Variants in ANKFY1 observed in about 807,000 individuals in gnomAD.
ANKFY1 encodes the protein ankyrin repeat and FYVE domain-containing protein 1.
A neutral mutation model predicts 128.3 loss-of-function variants in ANKFY1; 47 were observed. The observed-to-expected ratio is 0.37, with a 90% CI of 0.29 to 0.47. The LOEUF is 0.47. Ranked by LOEUF, ANKFY1 falls within the 20% of genes least tolerant of loss-of-function variation. The pLI, the probability that ANKFY1 is intolerant of heterozygous loss-of-function variation, is 1.00. For missense variants in ANKFY1, 1,222 were observed against 1,510.6 expected, an observed-to-expected ratio of 0.81 and a Z score of 3.17; for synonymous variants, 553 against 601.6, an observed-to-expected ratio of 0.92 and a Z score of 1.18.
intron 2 of ANKFY1, among the ~76,000 whole-genome samples, chr17:4,237,821 A>T (rs1966985002): frequency 6.6e-6 from 1 of 152,186 alleles, no homozygotes; most frequent in African/African-American, 2.4e-5. Flanking sequence ...TTTTTTTAAA[A>T]AACTTGATTC....
intron 5 of ANKFY1, among the ~76,000 whole-genome samples, 177 bp downstream of exon 5, chr17:4,209,647 C>T (rs150695908): frequency 0.014 from 2,118 of 152,282 alleles, 14 homozygotes; most frequent in Non-Finnish European, 0.021. Context: ...CACAGAACTA[C>T]CAGAATTTGA....
chr17:4,179,011 T>C lies in ANKFY1; in HGVS notation c.2444A>G (p.His815Arg). 6.2e-7 allele frequency: 1 copy of C among 1,614,192 alleles called. No homozygotes were observed. Among genetic ancestry groups the C allele is most frequent in the Non-Finnish European group, 8.5e-7 (1 of 1,180,042 alleles). The part of the protein sequence containing the change: ...TPIHVAISSQ[H>R]GVIIQLLVSH... The stretch of plus-strand genomic sequence containing the variant: ...AACCAACAGCTGAATGATGACACCG[T>C]GTTGGCTGCTGATGGCCACGTGGAT... The change falls in exon 18 of 25, where the codon CAC (histidine) becomes CGC (arginine). Residue 815 changes from histidine (H) to arginine (R), a missense_variant. Physicochemically the swap from His to Arg is conservative, Grantham distance 29 (BLOSUM62 0). Coordinates refer to ENST00000341657, the MANE Select transcript of ANKFY1 (RefSeq NM_001330063.2).
At chr17:4,171,682 C>G (rs1311540521) in intron 22 of ANKFY1, among the ~76,000 whole-genome samples, 1 of 152,204 alleles carries the variant, frequency 6.6e-6, no homozygotes, top group African/African-American at 2.4e-5. Flanking sequence ...CTGCTGAGTA[C>G]GTGCTGCTCA....
chr17:4,241,429 A>AC (rs747573314), intron 2 of ANKFY1, among the ~76,000 whole-genome samples: 2 of 151,506 alleles, frequency 1.3e-5, no homozygotes, highest in East Asian at 3.9e-4. Flanking sequence ...ACAGGTGCCC[A>AC]CCACCATGCG....
chr17:4,199,552 T>C (rs2059889578), intron 7 of ANKFY1, among the ~76,000 whole-genome samples: 1 of 152,052 alleles, frequency 6.6e-6, no homozygotes, highest in Admixed American at 6.6e-5. Flanking sequence ...TCTGTAGGAG[T>C]GAAAAAAACT....
chr17:4,194,345 G>A (rs2059777886), intron 10 of ANKFY1: 1 of 150,660 alleles, frequency 6.6e-6, no homozygotes, highest in Non-Finnish European at 1.5e-5. Flanking sequence ...CTGACCTCAG[G>A]TGATCCACCC....
intron 3 of ANKFY1, among the ~76,000 whole-genome samples, chr17:4,233,153 T>C (rs930194754): frequency 6.6e-6 from 1 of 152,318 alleles, no homozygotes; most frequent in South Asian, 2.1e-4. Flanking sequence ...TTTGATTATA[T>C]AGATTTCAAA....
chr17:4,258,952 A>T (rs1291224212), intron 1 of ANKFY1, among the ~76,000 whole-genome samples: 1 of 152,212 alleles, frequency 6.6e-6, no homozygotes, highest in Non-Finnish European at 1.5e-5. Context: ...CATTTTTTTC[A>T]ATTTTTACTT....
intron 3 of ANKFY1, chr17:4,222,501 T>C: frequency 2.2e-6 from 2 of 922,748 alleles, no homozygotes; most frequent in Non-Finnish European, 3.6e-6. Flanking sequence ...GCAACATTTC[T>C]GTTCAGGGAG....
chr17:4,223,597 G>A (rs2060365533), intron 3 of ANKFY1: 1 of 1,307,310 alleles, frequency 7.6e-7, no homozygotes, highest in Non-Finnish European at 1.1e-6. Flanking sequence ...CCTTTGGAGT[G>A]ATGCTGTGGG....
intron 11 of ANKFY1, among the ~76,000 whole-genome samples, chr17:4,185,809 C>T (rs2059600876): frequency 6.6e-6 from 1 of 152,134 alleles, no homozygotes; most frequent in Non-Finnish European, 1.5e-5. Flanking sequence ...CAAGTGTCAC[C>T]AAAATAAATA....
chr17:4,192,646 C>T (rs2059739528), intron 10 of ANKFY1, among the ~76,000 whole-genome samples: 2 of 152,160 alleles, frequency 1.3e-5, no homozygotes, highest in Admixed American at 6.5e-5. Context: ...CTCCGAATTC[C>T]ATGTTTATGC....
At chr17:4,183,305 A>AAAC in intron 14 of ANKFY1, 93 bp downstream of exon 14, 1 of 1,491,866 alleles carries the variant, frequency 6.7e-7, no homozygotes. Flanking sequence ...AACTAATATG[A>AAAC]AACAAAAACA....
At chr17:4,183,099 C>T (rs997159092) in intron 14 of ANKFY1, among the ~76,000 whole-genome samples, 12 of 152,250 alleles carry the variant, frequency 7.9e-5, no homozygotes, top group Admixed American at 1.3e-4. Context: ...GAGTAAGATC[C>T]TGCCTCAAAG....
intron 17 of ANKFY1, 127 bp downstream of exon 17, chr17:4,179,594 G>A (rs2059472409): frequency 1.6e-6 from 2 of 1,216,624 alleles, no homozygotes; most frequent in Non-Finnish European, 2.3e-6. Flanking sequence ...AACGCTGCTA[G>A]GGAGGTCGTG....
At chr17:4,215,947 G>A (rs888386746) in intron 4 of ANKFY1, among the ~76,000 whole-genome samples, 12 of 151,962 alleles carry the variant, frequency 7.9e-5, no homozygotes, top group African/African-American at 2.9e-4. Context: ...GAAAGAAACA[G>A]TTAACTGAAT....
intron 5 of ANKFY1, 91 bp from the exon 6 acceptor site, chr17:4,208,173 G>T: frequency 2.3e-6 from 3 of 1,331,322 alleles, no homozygotes; most frequent in Non-Finnish European, 3.0e-6. Flanking sequence ...CATCAGTCAG[G>T]CCCTTCTTTA....
intron 2 of ANKFY1, among the ~76,000 whole-genome samples, chr17:4,238,023 G>C (rs1358227097): frequency 2.0e-5 from 3 of 151,900 alleles, no homozygotes; most frequent in Non-Finnish European, 4.4e-5. Flanking sequence ...GGACAAAACT[G>C]TTCTCCTGAA....
chr17:4,172,764 A>G, intron 21 of ANKFY1, 84 bp from the exon 22 acceptor site: 1 of 1,522,114 alleles, frequency 6.6e-7, no homozygotes, highest in Non-Finnish European at 8.9e-7. Context: ...GAACTCTGTG[A>G]TGGTGGATAA....
Sources: gnomAD v4.1 joint callset for allele counts (sites outside exome capture counted in the v4.1 genomes callset) on GRCh38, gnomAD v4.1.1 for gene constraint, MANE v1.5 for transcripts, NCBI Gene and HGNC (gene_info 2026-07-23, HGNC 2026-07-21) for gene names.